CDH13: variants seen among roughly 807,000 people sequenced by gnomAD.
CDH13 encodes cadherin 13.
Under a neutral mutation model 63.8 loss-of-function variants are expected in CDH13, and 24 were observed. That is an observed-to-expected ratio of 0.38 (90% confidence interval 0.27 to 0.53). CDH13 has a LOEUF of 0.53. Among genes scored for constraint, CDH13 ranks in the 20% least tolerant of loss-of-function variants. CDH13 has a pLI of 0.85. For synonymous variants in CDH13, 503 were observed against 355.3 expected (o/e 1.42, Z -4.67); for missense variants, 1,049 against 903.1 (o/e 1.16, Z -2.07).
At chr16:83,654,030 G>A (rs1315851967) in intron 8 of CDH13, among the ~76,000 whole-genome samples, 1 of 152,092 alleles carries the variant, frequency 6.6e-6, no homozygotes, top group Non-Finnish European at 1.5e-5. Context: ...GAACAAATGG[G>A]TGGGGTAATG....
chr16:83,571,715 C>G (rs1248183649), intron 7 of CDH13, among the ~76,000 whole-genome samples: 1 of 152,174 alleles, frequency 6.6e-6, no homozygotes, highest in Admixed American at 6.5e-5. Context: ...TCCTTCTCAA[C>G]TGTAATTCAC....
chr16:83,604,881 AG>A (rs1236385849), intron 8 of CDH13, among the ~76,000 whole-genome samples: 2 of 152,144 alleles, frequency 1.3e-5, no homozygotes, highest in African/African-American at 4.8e-5. Context: ...TAGGAAAAAA[AG>A]AAATCTTTGC....
intron 5 of CDH13, among the ~76,000 whole-genome samples, chr16:83,292,281 T>G (rs1340451125): frequency 6.6e-6 from 1 of 152,198 alleles, no homozygotes; most frequent in Non-Finnish European, 1.5e-5. Context: ...TAGAAGTGGC[T>G]TCATTAATGT....
intron 4 of CDH13, among the ~76,000 whole-genome samples, chr16:83,193,069 T>C (rs972002892): frequency 1.3e-5 from 2 of 151,954 alleles, no homozygotes; most frequent in African/African-American, 2.4e-5. Flanking sequence ...GTTGTCTGAC[T>C]CACTTGGAGA....
intron 1 of CDH13, among the ~76,000 whole-genome samples, chr16:82,736,821 C>G (rs2033697308): frequency 1.3e-5 from 2 of 152,194 alleles, no homozygotes; most frequent in Non-Finnish European, 2.9e-5. Flanking sequence ...AAGAGAAGGA[C>G]TCTTGATGGG....
chr16:83,354,036 G>A (rs1304308346), intron 6 of CDH13, among the ~76,000 whole-genome samples: 1 of 152,208 alleles, frequency 6.6e-6, no homozygotes, highest in Non-Finnish European at 1.5e-5. Flanking sequence ...TAAAGTGGCA[G>A]CAGGGCAAAG....
At chr16:83,228,021 G>C (rs746871560) in intron 5 of CDH13, among the ~76,000 whole-genome samples, 1 of 152,268 alleles carries the variant, frequency 6.6e-6, no homozygotes, top group East Asian at 1.9e-4. Context: ...AAAAGATATA[G>C]GGTGGTGGGA....
chr16:82,860,018 C>T (rs924067927), intron 2 of CDH13, among the ~76,000 whole-genome samples: 1 of 152,178 alleles, frequency 6.6e-6, no homozygotes, highest in Non-Finnish European at 1.5e-5. Context: ...TAGGAACCCT[C>T]CTTTGTCTTT....
At chr16:83,549,096 A>C (rs1405837993) in intron 7 of CDH13, among the ~76,000 whole-genome samples, 4 of 152,126 alleles carry the variant, frequency 2.6e-5, no homozygotes, top group Admixed American at 2.0e-4. Context: ...GAAGAGACCC[A>C]GGTGACCTGG....
At position 83,214,855 on chromosome 16, in the gene CDH13, G is replaced by C. The variant is rs2039449661; in HGVS notation, c.484-2490G>C. On this transcript the variant is annotated intron_variant, in intron 4 of 13. Coordinates refer to ENST00000567109, the MANE Select transcript of CDH13 (RefSeq NM_001257.5). ...TTCATACTCACACAGTGGATCACTGGGAAAGCTAGGATTGCAACATATAGC... is the reference window on the plus strand; with the variant it reads ...TTCATACTCACACAGTGGATCACTGCGAAAGCTAGGATTGCAACATATAGC... Among the ~76,000 whole-genome samples, 3 of 151,794 alleles carry C rather than the reference G, an allele frequency of 2.0e-5. No individual in the cohort carries two copies. In the South Asian group the frequency reaches 6.3e-4, roughly 32 times the overall value.
chr16:82,783,213 C>G (rs1597565983), intron 1 of CDH13, among the ~76,000 whole-genome samples: 1 of 152,322 alleles, frequency 6.6e-6, no homozygotes, highest in African/African-American at 2.4e-5. Context: ...TCAGCTCCTC[C>G]CCTTCAGGGC....
chr16:82,831,958 A>G (rs1276533918), intron 1 of CDH13, among the ~76,000 whole-genome samples: 3 of 152,246 alleles, frequency 2.0e-5, no homozygotes, highest in Non-Finnish European at 4.4e-5. Flanking sequence ...AAAACTCATT[A>G]TCACATGGAA....
chr16:82,855,217 G>A (rs937998176), intron 1 of CDH13, among the ~76,000 whole-genome samples: 2 of 152,290 alleles, frequency 1.3e-5, no homozygotes, highest in African/African-American at 4.8e-5. Context: ...TTTTGTAACT[G>A]TAGAGGAATC....
intron 4 of CDH13, among the ~76,000 whole-genome samples, chr16:83,199,544 C>T (rs562910698): frequency 7.2e-5 from 11 of 152,328 alleles, no homozygotes; most frequent in African/African-American, 2.6e-4. Flanking sequence ...AAAATGCACA[C>T]GTAGCTTTAG....
chr16:83,495,279 C>A (rs901469696), intron 7 of CDH13, among the ~76,000 whole-genome samples: 1 of 152,070 alleles, frequency 6.6e-6, no homozygotes, highest in Non-Finnish European at 1.5e-5. Flanking sequence ...AAAGGCAGGA[C>A]AACTGGAGGA....
chr16:82,972,098 C>T (rs759338712), intron 2 of CDH13, among the ~76,000 whole-genome samples: 1 of 152,156 alleles, frequency 6.6e-6, no homozygotes, highest in Non-Finnish European at 1.5e-5. Context: ...CCAAGTGAAG[C>T]AGTGTAGGGT....
At chr16:83,474,249 G>A (rs1049237436) in intron 6 of CDH13, among the ~76,000 whole-genome samples, 1 of 152,104 alleles carries the variant, frequency 6.6e-6, no homozygotes, top group African/African-American at 2.4e-5. Flanking sequence ...TATTTTACCT[G>A]CATCTTTAAG....
In CDH13 at chr16:83,371,658, A is replaced by G. The variant is rs571317898; in HGVS notation, c.781+26652A>G. On this transcript the variant is annotated intron_variant, in intron 6 of 13. Coordinates refer to ENST00000567109, the MANE Select transcript of CDH13 (RefSeq NM_001257.5). Reference sequence around the variant, plus strand: ...TAAATTTCAAAAATCAATTTAAAGTATATTGAAAGTAGATTAATAGTGGTA... The same window carrying G: ...TAAATTTCAAAAATCAATTTAAAGTGTATTGAAAGTAGATTAATAGTGGTA... Among the ~76,000 whole-genome samples the G allele has an allele frequency of 6.6e-5, 10 of 152,360 alleles. No individual in the cohort carries two copies. The East Asian group carries it at 1.9e-3, about 29-fold the overall frequency.
intron 10 of CDH13, among the ~76,000 whole-genome samples, chr16:83,711,330 C>T (rs147442349): frequency 3.3e-5 from 5 of 152,184 alleles, no homozygotes; most frequent in Admixed American, 6.5e-5. Flanking sequence ...AAATGCCAGA[C>T]GGGCTGTGGT....
Sources: gnomAD v4.1 joint callset for allele counts (sites outside exome capture counted in the v4.1 genomes callset) on GRCh38, gnomAD v4.1.1 for gene constraint, MANE v1.5 for transcripts, NCBI Gene and HGNC (gene_info 2026-07-23, HGNC 2026-07-21) for gene names.